PCDH15: variants seen among roughly 807,000 people sequenced by gnomAD.
PCDH15 encodes the protein protocadherin related 15.
In PCDH15, 129 loss-of-function variants were observed where a neutral mutation model predicts 178.5. The observed-to-expected ratio is 0.72, with a 90% CI of 0.63 to 0.84. The LOEUF is 0.84. Among genes scored for constraint, PCDH15 ranks in the 40% least tolerant of loss-of-function variants. The pLI, the probability that PCDH15 is intolerant of heterozygous loss-of-function variation, is 0.00. For synonymous variants in PCDH15, 800 were observed against 732.0 expected, an observed-to-expected ratio of 1.09 and a Z score of -1.50; for missense variants, 2,230 against 2,099.9, an observed-to-expected ratio of 1.06 and a Z score of -1.21.
At chr10:54,420,740 T>C (rs1349828142) in intron 3 of PCDH15, among the ~76,000 whole-genome samples, 1 of 152,218 alleles carries the variant, frequency 6.6e-6, no homozygotes. Flanking sequence ...GGGACTCTGA[T>C]TATAGCAACA....
At chr10:54,182,463 A>C (rs1018659410) in intron 13 of PCDH15, among the ~76,000 whole-genome samples, 1 of 151,506 alleles carries the variant, frequency 6.6e-6, no homozygotes, top group Non-Finnish European at 1.5e-5. Flanking sequence ...TTAATTTCAG[A>C]TATGGGCTAT....
chr10:55,191,088 G>C (rs1391674935), intron 1 of PCDH15, among the ~76,000 whole-genome samples: 1 of 151,726 alleles, frequency 6.6e-6, no homozygotes, highest in African/African-American at 2.4e-5. Context: ...TTAGCAATTA[G>C]CTGGTGAATA....
chr10:55,087,719 T>G (rs1733744), intron 2 of PCDH15, among the ~76,000 whole-genome samples: 68,744 of 152,004 alleles, frequency 0.45, 19,269 homozygotes, highest in African/African-American at 0.79. Flanking sequence ...TTTCAATTCT[T>G]CAATGGCAGA....
chr10:55,084,462 T>TA (rs71461276), intron 2 of PCDH15, among the ~76,000 whole-genome samples: 61,342 of 145,478 alleles, frequency 0.42, 16,006 homozygotes, highest in African/African-American at 0.75. Context: ...CCTCAAGCTG[T>TA]AAAAAAAAAA....
intron 2 of PCDH15, among the ~76,000 whole-genome samples, chr10:54,955,285 T>C (rs10763156): frequency 0.37 from 55,872 of 150,988 alleles, 11,177 homozygotes; most frequent in East Asian, 0.68. Context: ...AAAAGAACTT[T>C]TGTTCTTTTG....
At chr10:54,099,706 C>T (rs1022542186) in intron 15 of PCDH15, among the ~76,000 whole-genome samples, 1 of 151,556 alleles carries the variant, frequency 6.6e-6, no homozygotes, top group South Asian at 2.1e-4. Flanking sequence ...TAATTTGATG[C>T]CCATTATAAA....
intron 3 of PCDH15, among the ~76,000 whole-genome samples, chr10:54,392,417 G>T (rs1434229134): frequency 8.5e-6 from 1 of 118,112 alleles, no homozygotes; most frequent in Non-Finnish European, 1.6e-5. Context: ...AGTCAGGCTA[G>T]ATTGTGCCAC....
At chr10:55,473,674 T>C (rs977055333) in intron 2 of PCDH15, among the ~76,000 whole-genome samples, 1 of 152,142 alleles carries the variant, frequency 6.6e-6, no homozygotes, top group Non-Finnish European at 1.5e-5. Flanking sequence ...GATCTAAAAA[T>C]AGGTCTCCCA....
At chr10:55,224,031 C>G (rs1170323128) in intron 1 of PCDH15, among the ~76,000 whole-genome samples, 1 of 151,996 alleles carries the variant, frequency 6.6e-6, no homozygotes, top group Non-Finnish European at 1.5e-5. Context: ...GCAGGTGAAT[C>G]ACTTGAGTTC....
At chr10:54,318,235 T>G (rs1008777008) in intron 7 of PCDH15, among the ~76,000 whole-genome samples, 1 of 152,184 alleles carries the variant, frequency 6.6e-6, no homozygotes, top group Non-Finnish European at 1.5e-5. Context: ...CTTTGGAGGC[T>G]TGCTCCAATT....
At chr10:54,479,661 C>T (rs11815859) in intron 3 of PCDH15, among the ~76,000 whole-genome samples, 1,546 of 151,966 alleles carry the variant, frequency 0.01, 21 homozygotes, top group African/African-American at 0.032. Flanking sequence ...TTTGCCCTCC[C>T]GCTACTTATG....
intron 2 of PCDH15, among the ~76,000 whole-genome samples, chr10:55,564,132 G>T (rs528272400): frequency 6.6e-6 from 1 of 151,568 alleles, no homozygotes; most frequent in African/African-American, 2.4e-5. Context: ...TTATAACTTT[G>T]GTTTGTACAT....
intron 2 of PCDH15, among the ~76,000 whole-genome samples, chr10:54,966,110 G>A (rs1464173904): frequency 6.6e-6 from 1 of 151,874 alleles, no homozygotes; most frequent in African/African-American, 2.4e-5. Flanking sequence ...ATGGTCAACA[G>A]CATTCAAGTA....
chr10:54,930,438 C>A (rs1020866444), intron 2 of PCDH15, among the ~76,000 whole-genome samples: 6 of 152,134 alleles, frequency 3.9e-5, no homozygotes, highest in Non-Finnish European at 7.4e-5. Context: ...ACTCCTAAAC[C>A]CACTTATTGT....
At position 54,439,471 on chromosome 10, in the gene PCDH15, C is replaced by T. The variant is rs113804099; in HGVS notation, c.158-60529G>A. ...CGGAAAGAGTTTTCTTATGTGTGCT[C>T]TGGTAGATTTTCATGTGGCCACACT... is the stretch of plus-strand genomic sequence containing the variant. On this transcript the variant is annotated intron_variant, in intron 3 of 37. Transcript: ENST00000644397. 6.7e-3 allele frequency among the ~76,000 whole-genome samples: 1,025 copies of T among 152,044 alleles called. 14 individuals are homozygous for T. Among genetic ancestry groups the T allele is most frequent in the African/African-American group, 0.023 (966 of 41,490 alleles).
At chr10:54,678,814 A>G (rs973573335) in intron 1 of PCDH15, among the ~76,000 whole-genome samples, 2 of 152,228 alleles carry the variant, frequency 1.3e-5, no homozygotes, top group African/African-American at 2.4e-5. Flanking sequence ...TAATGATACA[A>G]CATTAAATAG....
At chr10:55,224,538 C>T (rs1042633603) in intron 1 of PCDH15, among the ~76,000 whole-genome samples, 1 of 152,056 alleles carries the variant, frequency 6.6e-6, no homozygotes, top group African/African-American at 2.4e-5. Flanking sequence ...GCTGAGGTCG[C>T]TCTAGACCAA....
intron 3 of PCDH15, among the ~76,000 whole-genome samples, chr10:54,465,900 A>T (rs551955885): frequency 7.9e-5 from 12 of 151,940 alleles, no homozygotes; most frequent in Non-Finnish European, 1.6e-4. Context: ...CCTCCCCAGC[A>T]TTTATATATA....
intron 1 of PCDH15, among the ~76,000 whole-genome samples, chr10:54,690,730 A>T (rs1308679960): frequency 2.6e-5 from 4 of 152,174 alleles, no homozygotes; most frequent in Non-Finnish European, 5.9e-5. Context: ...AACTATAATA[A>T]GAATATCAAC....
Sources: allele counts gnomAD v4.1 joint callset (sites outside exome capture counted in the v4.1 genomes callset), GRCh38; gene constraint gnomAD v4.1.1; transcripts MANE v1.5; gene names NCBI Gene and HGNC (gene_info 2026-07-23, HGNC 2026-07-21).